Variants in CFHR5 observed in about 807,000 individuals in gnomAD.
The protein encoded by CFHR5 is complement factor H related 5, also known as complement factor H-related protein 5.
CFHR5 carries 73 observed loss-of-function variants against 62.9 expected under a neutral mutation model. That is an observed-to-expected ratio of 1.16 (90% CI 0.96 to 1.41). The LOEUF (loss-of-function observed/expected upper bound fraction) is 1.41, where lower values mean the gene tolerates loss of function less well. Among genes scored for constraint, CFHR5 ranks in the 40% most tolerant of loss-of-function variants. The pLI is 0.00. For synonymous variants in CFHR5, 249 were observed against 227.2 expected (o/e 1.10, Z -0.86); for missense variants, 779 against 679.9 (o/e 1.15, Z -1.62).
intron 3 of CFHR5, among the ~76,000 whole-genome samples, chr1:196,991,310 A>G (rs113694913): frequency 6.6e-6 from 1 of 152,148 alleles, no homozygotes; most frequent in Non-Finnish European, 1.5e-5. Context: ...GGGTTCAAAC[A>G]TCCTCCTTTA....
intron 3 of CFHR5, among the ~76,000 whole-genome samples, chr1:196,993,620 A>AT (rs955062723): frequency 2.5e-4 from 38 of 151,754 alleles, no homozygotes; most frequent in African/African-American, 7.5e-4. Flanking sequence ...TTTATACATC[A>AT]TTTTTTTTAT....
intron 3 of CFHR5, among the ~76,000 whole-genome samples, chr1:196,985,226 G>A (rs1167849441): frequency 2.6e-5 from 4 of 152,050 alleles, no homozygotes; most frequent in Admixed American, 1.3e-4. Context: ...CAGGCACAGT[G>A]ATGTGCACCT....
upstream of CFHR5, among the ~76,000 whole-genome samples, chr1:196,975,156 G>A (rs72468005): frequency 4.2e-3 from 636 of 152,258 alleles, 8 homozygotes; most frequent in East Asian, 0.032. Context: ...ATTTTTCTGA[G>A]TATTCAGTTT....
intron 1 of CFHR5, among the ~76,000 whole-genome samples, chr1:196,981,003 T>C (rs189877042): frequency 6.6e-6 from 1 of 152,272 alleles, no homozygotes; most frequent in African/African-American, 2.4e-5. Flanking sequence ...TCTCCAAAAC[T>C]ATCTAATGTC....
intron 4 of CFHR5, 32 bp from the exon 5 acceptor site, chr1:196,995,685 T>A (rs1174575940): frequency 3.8e-6 from 6 of 1,578,046 alleles, no homozygotes; most frequent in Non-Finnish European, 5.2e-6. Context: ...TATAAGACCA[T>A]TTAAGCATTA....
intron 4 of CFHR5, 84 bp from the exon 5 acceptor site, chr1:196,995,633 T>C: frequency 1.7e-6 from 2 of 1,210,628 alleles, no homozygotes; most frequent in Non-Finnish European, 2.4e-6. Context: ...AGGCAATTAA[T>C]TTCTAAGTCA....
chr1:197,002,302 A>G (rs1238490263), intron 7 of CFHR5, among the ~76,000 whole-genome samples, 180 bp from the exon 8 acceptor site: 10 of 152,176 alleles, frequency 6.6e-5, no homozygotes, highest in Non-Finnish European at 1.5e-5. Context: ...TGTAAACTAT[A>G]GTGACACAAA....
intron 9 of CFHR5, 102 bp downstream of exon 9, chr1:197,004,945 C>A: frequency 1.1e-6 from 1 of 927,372 alleles, no homozygotes; most frequent in South Asian, 1.5e-5. Context: ...TTCATTCAGT[C>A]AAAATCTTTC....
intron 4 of CFHR5, 31 bp from the exon 5 acceptor site, chr1:196,995,686 T>G (rs1410224712): frequency 6.3e-7 from 1 of 1,575,948 alleles, no homozygotes; most frequent in Non-Finnish European, 8.7e-7. Context: ...ATAAGACCAT[T>G]TAAGCATTAT....
At position 197,001,103 on chromosome 1, in the gene CFHR5, G is replaced by T. The variant is rs762671226; in HGVS notation, c.1148-1379G>T. Among the ~76,000 whole-genome samples, 3 of 152,084 alleles carry T rather than the reference G, an allele frequency of 2.0e-5. 1 individual carries two copies. The highest frequency in any genetic ancestry group is 4.8e-5 in the African/African-American group (2 of 41,394). ...ATCACAAAAGACTGGTCTTGTTAAT[G>T]GTTGACTAGAATAAGATGCATCTGG... is the stretch of plus-strand genomic sequence containing the variant. On this transcript the variant is annotated intron_variant, in intron 7 of 9. Coordinates refer to ENST00000256785, the MANE Select transcript of CFHR5 (RefSeq NM_030787.4).
chr1:196,982,733 C>A, intron 1 of CFHR5, 152 bp from the exon 2 acceptor site: 1 of 684,974 alleles, frequency 1.5e-6, no homozygotes, highest in Non-Finnish European at 2.5e-6. Flanking sequence ...GATCTTTCTT[C>A]ATTCCAAATT....
At chr1:196,986,945 C>G (rs923484348) in intron 3 of CFHR5, among the ~76,000 whole-genome samples, 1 of 152,190 alleles carries the variant, frequency 6.6e-6, no homozygotes, top group African/African-American at 2.4e-5. Flanking sequence ...AATTGCCACA[C>G]TGTCTACCAC....
At chr1:196,994,359 G>A (rs2125033782) in intron 4 of CFHR5, 103 bp downstream of exon 4, 2 of 963,820 alleles carry the variant, frequency 2.1e-6, no homozygotes, top group Non-Finnish European at 1.6e-6. Flanking sequence ...CTGACAAAGT[G>A]GTAAAATGGC....
In CFHR5 at chr1:196,995,828, A is replaced by C; in HGVS notation, c.719A>C (p.Asn240Thr). The C allele has an allele frequency of 6.2e-7, 1 of 1,613,338 alleles. No homozygotes were observed. The highest frequency in any genetic ancestry group is 1.3e-5 in the African/African-American group (1 of 75,004). Residue 240 changes from asparagine to threonine, a missense_variant, in exon 5 of 10, where the codon AAT (asparagine) becomes ACT (threonine). Physicochemically the swap from Asn to Thr is moderately conservative, Grantham distance 65. Coordinates refer to ENST00000256785, the MANE Select transcript of CFHR5 (RefSeq NM_030787.4). ...GTAGTGGAATATGATTGCAATCCTA[A>C]TTTTATAATAAACGGGCCTAAGAAA... ...NEVVEYDCNP[N>T]FIINGPKKIQ... is the part of the protein sequence containing the mutation.
At chr1:196,980,712 G>A (rs532669403) in intron 1 of CFHR5, among the ~76,000 whole-genome samples, 97 of 152,154 alleles carry the variant, frequency 6.4e-4, no homozygotes, top group African/African-American at 2.3e-3. Flanking sequence ...GTGGGTTGTT[G>A]TGTAACGGCA....
At chr1:196,994,290 A>C in intron 4 of CFHR5, 34 bp downstream of exon 4, 1 of 1,533,436 alleles carries the variant, frequency 6.5e-7, no homozygotes, top group Non-Finnish European at 9.0e-7. Flanking sequence ...TGAAACAAGA[A>C]TTTGATTTTT....
intron 3 of CFHR5, among the ~76,000 whole-genome samples, chr1:196,985,241 T>TC (rs1481644707): frequency 2.0e-5 from 3 of 151,914 alleles, no homozygotes. Context: ...GCACCTGTAG[T>TC]CCCCGCCACT....
chr1:196,984,279 A>G (rs906361822), intron 3 of CFHR5, 142 bp downstream of exon 3: 1 of 731,776 alleles, frequency 1.4e-6, no homozygotes, highest in Non-Finnish European at 2.3e-6. Context: ...ATTGTGTCTA[A>G]GTAGATGTGC....
At chr1:196,987,451 A>G (rs539217458) in intron 3 of CFHR5, among the ~76,000 whole-genome samples, 1 of 152,220 alleles carries the variant, frequency 6.6e-6, no homozygotes, top group Non-Finnish European at 1.5e-5. Flanking sequence ...CTTTGTCCTG[A>G]ATGCTAAGGC....
Sources: gnomAD v4.1 joint callset for allele counts (sites outside exome capture counted in the v4.1 genomes callset) on GRCh38, gnomAD v4.1.1 for gene constraint, MANE v1.5 for transcripts, NCBI Gene and HGNC (gene_info 2026-07-23, HGNC 2026-07-21) for gene names.